The following KDM4C variants were observed in gnomAD, a reference collection of about 807,000 sequenced individuals.
KDM4C encodes lysine demethylase 4C, also known as lysine-specific demethylase 4C.
Under a neutral mutation model 129.3 loss-of-function variants are expected in KDM4C, and 81 were observed. The observed-to-expected ratio is 0.63, with a 90% CI of 0.52 to 0.75. The LOEUF (loss-of-function observed/expected upper bound fraction) is 0.75, where lower values mean the gene tolerates loss of function less well. Among genes scored for constraint, KDM4C ranks in the 30% least tolerant of loss-of-function variants. The probability of loss-of-function intolerance (pLI) is 0.00; values close to 1 mark genes in which losing one functional copy is unlikely to be tolerated. For synonymous variants in KDM4C, 573 were observed against 456.1 expected, an observed-to-expected ratio of 1.26 and a Z score of -3.26; for missense variants, 1,457 against 1,304.0, an observed-to-expected ratio of 1.12 and a Z score of -1.81.
At chr9:7,086,024 G>A (rs1351012349) in intron 17 of KDM4C, among the ~76,000 whole-genome samples, 1 of 152,108 alleles carries the variant, frequency 6.6e-6, no homozygotes, top group African/African-American at 2.4e-5. Context: ...CAGGCATAGT[G>A]GCATGCGCCT....
At chr9:7,076,624 T>A (rs1281558862) in intron 17 of KDM4C, 104 of 1,406,890 alleles carry the variant, frequency 7.4e-5, no homozygotes, top group Non-Finnish European at 8.9e-5. Context: ...AGCTCCTGAT[T>A]GAGTCAGACC....
chr9:6,757,419 T>C (rs1312378756), upstream of KDM4C, among the ~76,000 whole-genome samples: 1 of 152,030 alleles, frequency 6.6e-6, no homozygotes, highest in Non-Finnish European at 1.5e-5. Context: ...TCCTGCGCGG[T>C]AGTTGTTAAA....
intron 8 of KDM4C, among the ~76,000 whole-genome samples, chr9:6,958,713 C>G (rs1341227985): frequency 8.7e-6 from 1 of 115,232 alleles, no homozygotes; most frequent in African/African-American, 4.1e-5. Context: ...GGGACAGGGT[C>G]TCACTCTGTT....
chr9:6,967,677 C>T (rs1238985421), intron 8 of KDM4C, among the ~76,000 whole-genome samples: 1 of 152,152 alleles, frequency 6.6e-6, no homozygotes, highest in African/African-American at 2.4e-5. Context: ...TCTCTTTTTA[C>T]TTTCTCTGCC....
At chr9:6,954,718 C>A (rs574145304) in intron 8 of KDM4C, among the ~76,000 whole-genome samples, 1 of 152,230 alleles carries the variant, frequency 6.6e-6, no homozygotes, top group Non-Finnish European at 1.5e-5. Flanking sequence ...CTTAAAAGTA[C>A]CTAGCCCAAC....
chr9:6,934,259 A>T (rs927974168), intron 8 of KDM4C, among the ~76,000 whole-genome samples: 1 of 151,838 alleles, frequency 6.6e-6, no homozygotes, highest in African/African-American at 2.4e-5. Flanking sequence ...AGGCAGGCTG[A>T]TCATGAAGTC....
At chr9:6,939,283 T>C (rs1475132387) in intron 8 of KDM4C, among the ~76,000 whole-genome samples, 1 of 151,982 alleles carries the variant, frequency 6.6e-6, no homozygotes, top group Non-Finnish European at 1.5e-5. Context: ...ATGGGAGGGA[T>C]CTAGGTTGCA....
chr9:6,943,381 G>A (rs1029577664), intron 8 of KDM4C, among the ~76,000 whole-genome samples: 1 of 152,020 alleles, frequency 6.6e-6, no homozygotes, highest in African/African-American at 2.4e-5. Context: ...TACAAACTTC[G>A]CATTTCTCTT....
At chr9:6,958,951 G>T (rs1039059795) in intron 8 of KDM4C, among the ~76,000 whole-genome samples, 6 of 152,072 alleles carry the variant, frequency 3.9e-5, no homozygotes, top group African/African-American at 1.4e-4. Context: ...CCCAGCCTAT[G>T]TGTAATGTTA....
At chr9:6,780,064 A>G (rs537916668) in intron 1 of KDM4C, among the ~76,000 whole-genome samples, 1 of 152,258 alleles carries the variant, frequency 6.6e-6, no homozygotes, top group Admixed American at 6.5e-5. Flanking sequence ...CAGATAAGGG[A>G]TACCATACAT....
chr9:6,960,295 T>G (rs1442701462), intron 8 of KDM4C, among the ~76,000 whole-genome samples: 1 of 151,424 alleles, frequency 6.6e-6, no homozygotes, highest in African/African-American at 2.4e-5. Flanking sequence ...TTTTTTTTTT[T>G]TTTTTAAATA....
chr9:6,873,703 A>G (rs111908020), intron 5 of KDM4C, among the ~76,000 whole-genome samples: 4 of 152,220 alleles, frequency 2.6e-5, no homozygotes, highest in East Asian at 1.9e-4. Flanking sequence ...TCTCCATATC[A>G]GCAATGTTTT....
intron 1 of KDM4C, among the ~76,000 whole-genome samples, chr9:6,787,479 T>G (rs1210348654): frequency 6.6e-6 from 1 of 152,232 alleles, no homozygotes; most frequent in Non-Finnish European, 1.5e-5. Context: ...GTCATCTGCC[T>G]GCCTAGGCCT....
chr9:6,951,366 C>T (rs536740829), intron 8 of KDM4C, among the ~76,000 whole-genome samples: 2 of 152,308 alleles, frequency 1.3e-5, no homozygotes, highest in Admixed American at 1.3e-4. Flanking sequence ...TAAACTCTGT[C>T]TTCTGGACTC....
rs114356443 is a variant in KDM4C at position 6,738,581 on chromosome 9, G to A, written c.49+17584G>A. 2.1e-3 allele frequency among the ~76,000 whole-genome samples: 315 copies of A among 152,178 alleles called. 1 individual carries two copies. The highest frequency in any genetic ancestry group is 7.2e-3 in the African/African-American group (301 of 41,534). ...CCCTGGAGTAGCTGGGACCACAGGT[G>A]GGCACCACCACGCCCAGCTAATTTA... On this transcript the variant is annotated intron_variant, in intron 1 of 17. Coordinates refer to the KDM4C transcript ENST00000536108.
chr9:6,732,821 T>C (rs891936754), intron 1 of KDM4C, among the ~76,000 whole-genome samples: 5 of 152,170 alleles, frequency 3.3e-5, no homozygotes, highest in African/African-American at 1.2e-4. Context: ...GAGACCAGCC[T>C]GGCCAGCATG....
At chr9:6,853,914 G>A (rs1839295469) in intron 5 of KDM4C, among the ~76,000 whole-genome samples, 2 of 152,108 alleles carry the variant, frequency 1.3e-5, no homozygotes, top group Non-Finnish European at 2.9e-5. Flanking sequence ...TTTATTCTCT[G>A]TCTACTTAAG....
At chr9:6,948,670 G>T (rs963531457) in intron 8 of KDM4C, among the ~76,000 whole-genome samples, 2 of 151,586 alleles carry the variant, frequency 1.3e-5, no homozygotes, top group African/African-American at 4.8e-5. Context: ...CTTGAGATTA[G>T]GGAGTGGTGA....
intron 8 of KDM4C, among the ~76,000 whole-genome samples, chr9:6,930,554 G>T (rs914615822): frequency 1.4e-5 from 2 of 144,796 alleles, no homozygotes; most frequent in African/African-American, 5.1e-5. Context: ...TATAACAACA[G>T]TATGTTATAT....
Sources: gnomAD v4.1 joint callset for allele counts (sites outside exome capture counted in the v4.1 genomes callset) on GRCh38, gnomAD v4.1.1 for gene constraint, MANE v1.5 for transcripts, NCBI Gene and HGNC (gene_info 2026-07-23, HGNC 2026-07-21) for gene names.